The following NDUFAF2 variants were observed in gnomAD, a reference collection of about 807,000 sequenced individuals.
NDUFAF2 encodes the protein NADH dehydrogenase [ubiquinone] 1 alpha subcomplex assembly factor 2.
NDUFAF2 carries 13 observed loss-of-function variants against 22.8 expected under a neutral mutation model. That is an observed-to-expected ratio of 0.57 (90% CI 0.37 to 0.91). The LOEUF is 0.91. Among genes scored for constraint, NDUFAF2 ranks in the 40% least tolerant of loss-of-function variants. The probability of loss-of-function intolerance (pLI) is 0.01; values close to 1 mark genes in which losing one functional copy is unlikely to be tolerated. For missense variants in NDUFAF2, 162 were observed against 195.2 expected, an observed-to-expected ratio of 0.83 and a Z score of 1.01; for synonymous variants, 53 against 64.2, an observed-to-expected ratio of 0.83 and a Z score of 0.84.
intron 1 of NDUFAF2, among the ~76,000 whole-genome samples, chr5:60,972,353 A>G (rs1164401761): frequency 1.3e-5 from 2 of 151,888 alleles, no homozygotes; most frequent in East Asian, 3.9e-4. Flanking sequence ...GGGCGGGATC[A>G]AGTGGAGATA....
intron 3 of NDUFAF2, chr5:61,116,178 G>A (rs1251839195): frequency 1.3e-5 from 2 of 152,122 alleles, no homozygotes; most frequent in African/African-American, 4.8e-5. Context: ...ACCCTTATTA[G>A]GTTATAGTGA....
At chr5:60,989,250 C>A (rs1453519668) in intron 1 of NDUFAF2, among the ~76,000 whole-genome samples, 13 of 152,116 alleles carry the variant, frequency 8.5e-5, no homozygotes, top group East Asian at 1.9e-4. Flanking sequence ...TTTTAAAAAT[C>A]AAAAAATTAC....
At chr5:61,008,957 C>T (rs1261620585) in intron 1 of NDUFAF2, among the ~76,000 whole-genome samples, 2 of 151,906 alleles carry the variant, frequency 1.3e-5, no homozygotes, top group Admixed American at 6.6e-5. Context: ...CCAAGTGTGT[C>T]TTCTATTTGA....
chr5:61,013,917 A>G (rs994040652), intron 1 of NDUFAF2, among the ~76,000 whole-genome samples: 6 of 152,218 alleles, frequency 3.9e-5, no homozygotes, highest in Non-Finnish European at 5.9e-5. Context: ...AGTAATTCCT[A>G]TTGGAGATTA....
chr5:60,983,456 T>C (rs1442989632), intron 1 of NDUFAF2, among the ~76,000 whole-genome samples: 1 of 141,156 alleles, frequency 7.1e-6, no homozygotes, highest in Non-Finnish European at 1.5e-5. Flanking sequence ...TTTGGTGTTT[T>C]AGACATGAAG....
intron 1 of NDUFAF2, among the ~76,000 whole-genome samples, chr5:61,017,641 A>G (rs1751529463): frequency 6.6e-6 from 1 of 152,186 alleles, no homozygotes; most frequent in Non-Finnish European, 1.5e-5. Flanking sequence ...GTATGTGCCT[A>G]TAGTCTCAAC....
At chr5:61,046,414 A>T (rs1157575613) in intron 1 of NDUFAF2, among the ~76,000 whole-genome samples, 2 of 152,144 alleles carry the variant, frequency 1.3e-5, no homozygotes, top group Admixed American at 1.3e-4. Context: ...CAGTAAAGCC[A>T]TCAGGTCCTG....
intron 3 of NDUFAF2, among the ~76,000 whole-genome samples, chr5:61,117,646 G>A (rs1266536455): frequency 1.3e-5 from 2 of 151,728 alleles, no homozygotes; most frequent in East Asian, 3.9e-4. Flanking sequence ...GTGAGCCACT[G>A]TGCCCAGCCC....
intron 3 of NDUFAF2, among the ~76,000 whole-genome samples, chr5:61,107,046 TACACACAC>T (rs59521177): frequency 0.023 from 2,801 of 123,994 alleles, 103 homozygotes; most frequent in African/African-American, 0.054. Flanking sequence ...TGGATAAATA[TACACACAC>T]ACACACACAC....
chr5:61,052,973 AGT>A (rs1237542367), intron 1 of NDUFAF2, among the ~76,000 whole-genome samples: 1 of 152,246 alleles, frequency 6.6e-6, no homozygotes, highest in East Asian at 1.9e-4. Flanking sequence ...TTTGAAATTA[AGT>A]GTGCTATGTG....
chr5:61,076,265 A>G (rs1752369401), intron 2 of NDUFAF2, among the ~76,000 whole-genome samples: 1 of 151,976 alleles, frequency 6.6e-6, no homozygotes, highest in Non-Finnish European at 1.5e-5. Flanking sequence ...TAGTAGAGAG[A>G]GGGTTTCACC....
At chr5:61,023,388 T>G (rs1751610165) in intron 1 of NDUFAF2, among the ~76,000 whole-genome samples, 2 of 152,152 alleles carry the variant, frequency 1.3e-5, no homozygotes, top group African/African-American at 4.8e-5. Flanking sequence ...GATTATTTTA[T>G]TTGTAGTATT....
At chr5:61,008,490 C>G (rs1332447945) in intron 1 of NDUFAF2, among the ~76,000 whole-genome samples, 1 of 152,058 alleles carries the variant, frequency 6.6e-6, no homozygotes, top group Non-Finnish European at 1.5e-5. Context: ...TCATCCACAC[C>G]TTATTTCTCT....
At chr5:61,128,961 C>G (rs777640041) in intron 3 of NDUFAF2, among the ~76,000 whole-genome samples, 1 of 152,088 alleles carries the variant, frequency 6.6e-6, no homozygotes, top group South Asian at 2.1e-4. Context: ...AAGAAAAAAA[C>G]AACCCCATCA....
intron 1 of NDUFAF2, among the ~76,000 whole-genome samples, chr5:61,027,961 G>A (rs944727047): frequency 2.6e-5 from 4 of 151,974 alleles, no homozygotes; most frequent in Non-Finnish European, 4.4e-5. Flanking sequence ...CTGGGGATAT[G>A]TTAATAAACA....
intron 1 of NDUFAF2, among the ~76,000 whole-genome samples, chr5:61,015,803 G>C (rs1336674595): frequency 1.3e-5 from 2 of 152,070 alleles, no homozygotes; most frequent in African/African-American, 4.8e-5. Flanking sequence ...AATAATTACA[G>C]ATTATATATA....
At chr5:61,083,844 T>G (rs1214855352) in intron 2 of NDUFAF2, among the ~76,000 whole-genome samples, 1 of 151,828 alleles carries the variant, frequency 6.6e-6, no homozygotes, top group East Asian at 1.9e-4. Context: ...TACTTTTAAG[T>G]GATATTGTTA....
At chr5:61,108,808 C>T (rs1752800448) in intron 3 of NDUFAF2, among the ~76,000 whole-genome samples, 1 of 152,102 alleles carries the variant, frequency 6.6e-6, no homozygotes, top group Non-Finnish European at 1.5e-5. Context: ...TAATCTATTC[C>T]ATTGGCCTGT....
At chr5:61,020,019 T>C (rs1456477033) in intron 1 of NDUFAF2, among the ~76,000 whole-genome samples, 1 of 152,178 alleles carries the variant, frequency 6.6e-6, no homozygotes, top group Non-Finnish European at 1.5e-5. Context: ...TTAGTTTCTC[T>C]AATTCTTCTT....
Sources: allele counts gnomAD v4.1 joint callset (sites outside exome capture counted in the v4.1 genomes callset), GRCh38; gene constraint gnomAD v4.1.1; transcripts MANE v1.5; gene names NCBI Gene and HGNC (gene_info 2026-07-23, HGNC 2026-07-21).